The following ECT2L variants were observed in gnomAD, a reference collection of about 807,000 sequenced individuals.
The protein encoded by ECT2L is epithelial cell-transforming sequence 2 oncogene-like.
Under a neutral mutation model 122.8 loss-of-function variants are expected in ECT2L, and 126 were observed. The observed-to-expected ratio is 1.03, with a 90% confidence interval of 0.89 to 1.19. The LOEUF is 1.19. Ranked by LOEUF, ECT2L falls within the 50% of genes most tolerant of loss-of-function variation. The probability of loss-of-function intolerance (pLI) is 0.00; values close to 1 mark genes in which losing one functional copy is unlikely to be tolerated. For missense variants in ECT2L, 1,012 were observed against 1,064.1 expected, an observed-to-expected ratio of 0.95 and a Z score of 0.68; for synonymous variants, 385 against 381.8, an observed-to-expected ratio of 1.01 and a Z score of -0.10.
intron 16 of ECT2L, among the ~76,000 whole-genome samples, chr6:138,884,220 A>T (rs560870488): frequency 6.6e-6 from 1 of 152,212 alleles, no homozygotes; most frequent in Non-Finnish European, 1.5e-5. Flanking sequence ...GTCTTAGCCG[A>T]AAGTCCAGTA....
intron 14 of ECT2L, 114 bp downstream of exon 14, chr6:138,876,672 A>T: frequency 8.9e-6 from 3 of 336,550 alleles, no homozygotes; most frequent in Admixed American, 9.2e-5. Flanking sequence ...TGGGGGATTA[A>T]AAAAAAAAAA....
chr6:138,901,222 C>G (rs1779386456), intron 21 of ECT2L, 102 bp downstream of exon 21: 2 of 1,239,852 alleles, frequency 1.6e-6, no homozygotes, highest in East Asian at 4.8e-5. Flanking sequence ...TTATAATTTA[C>G]CAGGTTGCAA....
intron 20 of ECT2L, among the ~76,000 whole-genome samples, chr6:138,893,646 T>C (rs748954805): frequency 1.3e-5 from 2 of 152,130 alleles, no homozygotes; most frequent in Non-Finnish European, 2.9e-5. Flanking sequence ...GGTCTCGAAC[T>C]CCTGACCTCA....
At chr6:138,843,977 CG>C (rs1777130631) in intron 6 of ECT2L, among the ~76,000 whole-genome samples, 1 of 152,152 alleles carries the variant, frequency 6.6e-6, no homozygotes. Context: ...GGCAGAGCCA[CG>C]GCGCCCAGCC....
At chr6:138,874,205 T>C (rs926276337) in intron 13 of ECT2L, among the ~76,000 whole-genome samples, 1 of 151,982 alleles carries the variant, frequency 6.6e-6, no homozygotes, top group Non-Finnish European at 1.5e-5. Flanking sequence ...TAGAGAAAAA[T>C]TCCTAACATG....
chr6:138,838,398 G>T lies in ECT2L; in HGVS notation c.226G>T (p.Asp76Tyr). The T allele has an allele frequency of 6.2e-7, 1 of 1,611,044 alleles. No homozygotes were observed. Among genetic ancestry groups the T allele is most frequent in the East Asian group, 2.2e-5 (1 of 44,632 alleles). ...AGAAAGGATGCAAGTGGCCAAAGTG[G>T]ACTTCTCTACAGTGTTACCACGCTT... Reference protein sequence around the residue: ...FSERMQVAKVDFSTVLPRFIS... With the variant: ...FSERMQVAKVYFSTVLPRFIS... Residue 76 changes from aspartate (D) to tyrosine (Y), a missense_variant, in exon 5 of 22, where the codon GAC becomes TAC. Transcript: ENST00000541398.
At chr6:138,853,678 C>G (rs1273599300) in intron 9 of ECT2L, among the ~76,000 whole-genome samples, 1 of 152,182 alleles carries the variant, frequency 6.6e-6, no homozygotes, top group African/African-American at 2.4e-5. Context: ...GATTGACAAT[C>G]CTGGGAAACA....
chr6:138,823,097 C>T (rs1284738487), intron 4 of ECT2L: 2 of 1,541,894 alleles, frequency 1.3e-6, no homozygotes, highest in African/African-American at 2.8e-5. Flanking sequence ...TAACTTCAGC[C>T]TTGTACACAC....
chr6:138,897,601 T>C lies in ECT2L; in HGVS notation c.2415-3347T>C, dbSNP rs144637312. On this transcript the variant is annotated intron_variant, in intron 20 of 21. Coordinates refer to ENST00000541398, the MANE Select transcript of ECT2L (RefSeq NM_001077706.3). ...TTGGTGTTTGGTCTGTGGATAAACA[T>C]TGTTGGAGATCTTGAGGGGCTTAAT... 1.1e-3 allele frequency among the ~76,000 whole-genome samples: 163 copies of C among 152,306 alleles called. 1 individual carries two copies. The highest frequency in any genetic ancestry group is 3.8e-3 in the African/African-American group (159 of 41,572).
At chr6:138,807,642 T>C (rs1775755795) in intron 1 of ECT2L, among the ~76,000 whole-genome samples, 1 of 152,206 alleles carries the variant, frequency 6.6e-6, no homozygotes, top group Admixed American at 6.5e-5. Context: ...ATTTTTTTTG[T>C]TATTGCTGGA....
At chr6:138,821,730 C>T (rs1776274658) in intron 4 of ECT2L, among the ~76,000 whole-genome samples, 1 of 152,236 alleles carries the variant, frequency 6.6e-6, no homozygotes, top group Non-Finnish European at 1.5e-5. Context: ...GTTCTGAGTG[C>T]ATGGGACTCA....
At chr6:138,816,783 C>A (rs1484307488) in intron 4 of ECT2L, among the ~76,000 whole-genome samples, 1 of 152,220 alleles carries the variant, frequency 6.6e-6, no homozygotes, top group Non-Finnish European at 1.5e-5. Flanking sequence ...CCGCGCCCGG[C>A]CTAAACATCT....
intron 13 of ECT2L, among the ~76,000 whole-genome samples, chr6:138,869,163 T>C (rs2128401715): frequency 6.6e-6 from 1 of 152,092 alleles, no homozygotes; most frequent in Non-Finnish European, 1.5e-5. Context: ...CAAGACTCTG[T>C]CTCAAAAAAA....
At chr6:138,840,763 C>T (rs1777011731) in intron 5 of ECT2L, among the ~76,000 whole-genome samples, 2 of 151,330 alleles carry the variant, frequency 1.3e-5, no homozygotes, top group South Asian at 4.2e-4. Context: ...TTGTATGTAT[C>T]TTGTTTTGTA....
At chr6:138,887,290 A>G (rs1222433767) in intron 19 of ECT2L, among the ~76,000 whole-genome samples, 1 of 150,668 alleles carries the variant, frequency 6.6e-6, no homozygotes, top group African/African-American at 2.4e-5. Flanking sequence ...GCAGTGGCAC[A>G]ATCTCAGCTC....
intron 4 of ECT2L, among the ~76,000 whole-genome samples, chr6:138,819,877 A>G (rs1776212990): frequency 1.3e-5 from 2 of 151,762 alleles, no homozygotes; most frequent in South Asian, 2.1e-4. Context: ...ACAGAGCAAG[A>G]CTTCATGTAC....
At chr6:138,864,560 T>C (rs2698744) in intron 11 of ECT2L, among the ~76,000 whole-genome samples, 105,337 of 152,056 alleles carry the variant, frequency 0.69, 37,239 homozygotes, top group African/African-American at 0.83. Flanking sequence ...AAGGATTTGG[T>C]GATGACAGGG....
intron 5 of ECT2L, among the ~76,000 whole-genome samples, chr6:138,839,753 G>GT (rs1243844292): frequency 1.3e-5 from 2 of 151,880 alleles, no homozygotes; most frequent in East Asian, 1.9e-4. Flanking sequence ...TTTGTTTTAT[G>GT]TTTTTTTCCC....
intron 15 of ECT2L, among the ~76,000 whole-genome samples, chr6:138,882,475 T>C (rs142057229): frequency 9.9e-4 from 151 of 152,256 alleles, no homozygotes; most frequent in East Asian, 3.5e-3. Flanking sequence ...ATTGTGGCCA[T>C]TGTGTGGTTC....
Sources: gnomAD v4.1 joint callset for allele counts (sites outside exome capture counted in the v4.1 genomes callset) on GRCh38, gnomAD v4.1.1 for gene constraint, MANE v1.5 for transcripts, NCBI Gene and HGNC (gene_info 2026-07-23, HGNC 2026-07-21) for gene names.